EEF1AKMT1: variants seen among roughly 807,000 people sequenced by gnomAD.
EEF1AKMT1 encodes the protein EEF1A lysine methyltransferase 1, also known as N-6 adenine-specific DNA methyltransferase 2 (putative).
EEF1AKMT1 carries 18 observed loss-of-function variants against 21.0 expected under a neutral mutation model. That is an observed-to-expected ratio of 0.86 (90% CI 0.59 to 1.27). The LOEUF (loss-of-function observed/expected upper bound fraction) is 1.27, where lower values mean the gene tolerates loss of function less well. Among genes scored for constraint, EEF1AKMT1 ranks in the 50% most tolerant of loss-of-function variants. EEF1AKMT1 has a pLI of 0.00. For synonymous variants in EEF1AKMT1, 109 were observed against 94.8 expected, an observed-to-expected ratio of 1.15 and a Z score of -0.87; for missense variants, 246 against 258.6, an observed-to-expected ratio of 0.95 and a Z score of 0.33.
chr13:20,754,182 G>A (rs186647350), intron 2 of EEF1AKMT1, among the ~76,000 whole-genome samples: 2 of 152,142 alleles, frequency 1.3e-5, no homozygotes, highest in Admixed American at 1.3e-4. Flanking sequence ...AATTTCCTCA[G>A]CTTTTACTTG....
At position 20,764,880 on chromosome 13, in the gene EEF1AKMT1, A is replaced by AACACACACACACACAC. The variant is rs34574835; in HGVS notation, c.-19-7279_-19-7264dup. Among the ~76,000 whole-genome samples, 78 of 139,896 alleles carry AACACACACACACACAC rather than the reference A, an allele frequency of 5.6e-4. 1 individual carries two copies. In the East Asian group the frequency reaches 9.6e-3, roughly 17 times the overall value. 91.8% of individuals were successfully genotyped at this position (139,896 alleles called of 152,430 possible). A position where few individuals can be genotyped will look rare whatever the true frequency, so the allele number is the denominator to read the frequency against. On this transcript the variant is annotated intron_variant, in intron 1 of 4. Coordinates refer to ENST00000382758, the MANE Select transcript of EEF1AKMT1 (RefSeq NM_001318939.2). Reference sequence around the variant, plus strand: ...ATATTTTCCCCTTCCTTTCACTTTCAACACACACACACACACACACACACA... The same window carrying AACACACACACACACAC: ...ATATTTTCCCCTTCCTTTCACTTTCAACACACACACACACACACACACACACACACACACACACACA...
Position 20,761,394 on chromosome 13 carries a change from T to C in EEF1AKMT1, c.-19-3777A>G, listed in dbSNP as rs944275759. ...TTTAAAATTTACCCAGGTTGTTCTG[T>C]GTATCAATAGTTTATTCCTTTTTAT... On this transcript the variant is annotated intron_variant, in intron 1 of 4. Transcript: ENST00000382758. 3.3e-5 allele frequency among the ~76,000 whole-genome samples: 5 copies of C among 152,232 alleles called. No homozygotes were observed. In the South Asian group the frequency reaches 6.2e-4, roughly 19 times the overall value.
intron 1 of EEF1AKMT1, among the ~76,000 whole-genome samples, chr13:20,767,132 C>G (rs1595032187): frequency 6.6e-6 from 1 of 151,738 alleles, no homozygotes; most frequent in Non-Finnish European, 1.5e-5. Flanking sequence ...CGGTGAAACC[C>G]CGTCTCCACT....
intron 2 of EEF1AKMT1, among the ~76,000 whole-genome samples, chr13:20,754,102 A>G (rs926451628): frequency 6.6e-6 from 1 of 151,970 alleles, no homozygotes; most frequent in Non-Finnish European, 1.5e-5. Context: ...ATGATGGTAG[A>G]TTTCATCCTT....
At chr13:20,739,060 GGGGGGTCGTGGTCTCGCTGGCTTCA>G (rs2058849616) in intron 2 of EEF1AKMT1, among the ~76,000 whole-genome samples, 1 of 152,166 alleles carries the variant, frequency 6.6e-6, no homozygotes, top group South Asian at 2.1e-4. Flanking sequence ...CTTCCTCCTG[GGGGGGTCGTGGTCTCGCTGGCTTCA>G]GGAGTGAAGC....
At chr13:20,748,726 G>GTTTTTTT (rs750094631) in intron 2 of EEF1AKMT1, among the ~76,000 whole-genome samples, 73 of 72,586 alleles carry the variant, frequency 1.0e-3, no homozygotes, top group South Asian at 5.8e-3. Context: ...TTTTTTTTTG[G>GTTTTTTT]TTTTTTTTTT....
At chr13:20,745,683 T>C (rs1347401593) in intron 2 of EEF1AKMT1, among the ~76,000 whole-genome samples, 2 of 151,986 alleles carry the variant, frequency 1.3e-5, no homozygotes, top group African/African-American at 2.4e-5. Flanking sequence ...ACCCCATCTC[T>C]TCTAAAAATA....
intron 1 of EEF1AKMT1, among the ~76,000 whole-genome samples, chr13:20,765,607 T>G (rs1165336428): frequency 6.6e-6 from 1 of 151,832 alleles, no homozygotes; most frequent in Admixed American, 6.6e-5. Context: ...AGAGATGGGA[T>G]TCACCATGTT....
intron 3 of EEF1AKMT1, among the ~76,000 whole-genome samples, chr13:20,733,094 C>T (rs1416512498): frequency 1.7e-4 from 22 of 126,548 alleles, no homozygotes; most frequent in African/African-American, 2.7e-4. Flanking sequence ...CTGTGATACA[C>T]TTTTTTTTTT....
At chr13:20,742,059 C>T (rs2058874531) in intron 2 of EEF1AKMT1, among the ~76,000 whole-genome samples, 1 of 151,996 alleles carries the variant, frequency 6.6e-6, no homozygotes, top group South Asian at 2.1e-4. Context: ...TATACATGTG[C>T]ATATAAAAAT....
chr13:20,772,681 A>G (rs2059068505), intron 1 of EEF1AKMT1, among the ~76,000 whole-genome samples: 1 of 152,144 alleles, frequency 6.6e-6, no homozygotes, highest in South Asian at 2.1e-4. Context: ...CGGCCTCAGG[A>G]AAAGGTAAGG....
chr13:20,755,117 GC>G (rs34903776), intron 2 of EEF1AKMT1, among the ~76,000 whole-genome samples: 42,824 of 151,718 alleles, frequency 0.28, 7,529 homozygotes, highest in East Asian at 0.75. Context: ...AAGCAGGGTA[GC>G]TTTTCCTAGG....
intron 1 of EEF1AKMT1, among the ~76,000 whole-genome samples, chr13:20,760,977 T>C (rs757465134): frequency 2.0e-5 from 3 of 152,236 alleles, no homozygotes; most frequent in Non-Finnish European, 4.4e-5. Flanking sequence ...GTCCATCCCA[T>C]GTATCCTTCC....
At chr13:20,744,720 G>C (rs1290951999) in intron 2 of EEF1AKMT1, among the ~76,000 whole-genome samples, 1 of 152,188 alleles carries the variant, frequency 6.6e-6, no homozygotes, top group Admixed American at 6.5e-5. Context: ...GGCTTTTGTT[G>C]CCATTGCTTT....
At position 20,737,325 on chromosome 13, in the gene EEF1AKMT1, C is replaced by A. The variant is rs539261074; in HGVS notation, c.227+398G>T. ...GTTGCAGTTAGCCAAGATCGCACCA[C>A]TCTGCACTCCAGCCTGGGCAACAGA... On this transcript the variant is annotated intron_variant, in intron 3 of 4. Coordinates refer to ENST00000382758, the MANE Select transcript of EEF1AKMT1 (RefSeq NM_001318939.2). Among the ~76,000 whole-genome samples the A allele has an allele frequency of 9.2e-5, 14 of 152,168 alleles. No individual in the cohort carries two copies. The South Asian group carries it at 2.3e-3, about 25-fold the overall frequency.
intron 1 of EEF1AKMT1, among the ~76,000 whole-genome samples, chr13:20,771,142 G>C (rs2059061077): frequency 6.6e-6 from 1 of 152,106 alleles, no homozygotes; most frequent in Admixed American, 6.5e-5. Context: ...AAAGTGCTAA[G>C]ATTACAAACA....
intron 2 of EEF1AKMT1, among the ~76,000 whole-genome samples, chr13:20,743,601 G>C (rs2058885023): frequency 6.8e-6 from 1 of 147,550 alleles, no homozygotes; most frequent in South Asian, 2.2e-4. Context: ...TCTTAGAATA[G>C]TTTGCTTGAG....
chr13:20,770,098 T>C (rs2059055425), intron 1 of EEF1AKMT1, among the ~76,000 whole-genome samples: 2 of 151,968 alleles, frequency 1.3e-5, no homozygotes, highest in Non-Finnish European at 2.9e-5. Flanking sequence ...GAAAATGAAA[T>C]AAATACATAC....
intron 2 of EEF1AKMT1, 38 bp from the exon 3 acceptor site, chr13:20,737,843 G>C: frequency 1.4e-6 from 2 of 1,455,186 alleles, no homozygotes; most frequent in Non-Finnish European, 1.9e-6. Flanking sequence ...TTTTAGAACT[G>C]GCATAAGCTT....
Sources: allele counts gnomAD v4.1 joint callset (sites outside exome capture counted in the v4.1 genomes callset), GRCh38; gene constraint gnomAD v4.1.1; transcripts MANE v1.5; gene names NCBI Gene and HGNC (gene_info 2026-07-23, HGNC 2026-07-21).